The following PATJ variants were observed in gnomAD, a reference collection of about 807,000 sequenced individuals.
PATJ encodes inaD-like protein.
PATJ carries 190 observed loss-of-function variants against 224.9 expected under a neutral mutation model. The observed-to-expected ratio is 0.84, with a 90% CI of 0.75 to 0.95. PATJ has a LOEUF of 0.95. Ranked by LOEUF, PATJ falls within the 40% of genes least tolerant of loss-of-function variation. The pLI, the probability that PATJ is intolerant of heterozygous loss-of-function variation, is 0.00. For synonymous variants in PATJ, 769 were observed against 820.3 expected (o/e 0.94, Z 1.07); for missense variants, 2,121 against 2,270.3 (o/e 0.93, Z 1.34).
intron 28 of PATJ, among the ~76,000 whole-genome samples, chr1:62,014,138 C>T (rs186125126): frequency 3.5e-4 from 54 of 152,292 alleles, no homozygotes; most frequent in Middle Eastern, 3.4e-3. Flanking sequence ...TCACTGCAGT[C>T]TTTAACTCCT....
At chr1:61,871,070 G>GTTTTTTTTTTTTTTTTTTTTT (rs1247341544) in intron 20 of PATJ, among the ~76,000 whole-genome samples, 1 of 78,098 alleles carries the variant, frequency 1.3e-5, no homozygotes, top group African/African-American at 4.9e-5. Flanking sequence ...TTTGGTTTTT[G>GTTTTTTTTTTTTTTTTTTTTT]TTTTTTTTGT....
intron 41 of PATJ, among the ~76,000 whole-genome samples, chr1:62,147,991 C>T (rs1292928879): frequency 6.6e-6 from 1 of 151,336 alleles, no homozygotes; most frequent in Admixed American, 6.6e-5. Context: ...CCTGGTGGTG[C>T]ATGCCTGTGG....
chr1:61,908,442 C>G lies in PATJ; in HGVS notation c.3452C>G (p.Pro1151Arg). ...GAGGCCATTAAGAATGCAGGAAACCCTGTGGTGTTCATTGTTCAGAGTTTG... is the reference window on the plus strand; with the variant it reads ...GAGGCCATTAAGAATGCAGGAAACCGTGTGGTGTTCATTGTTCAGAGTTTG... ...AVEAIKNAGNPVVFIVQSLSS... is the reference protein window; with the variant it reads ...AVEAIKNAGNRVVFIVQSLSS... Residue 1151 changes from proline to arginine, a missense_variant, in exon 25 of 44, where the codon CCT becomes CGT. By Grantham distance (103) the Pro-to-Arg change is moderately radical. Coordinates refer to ENST00000642238, the MANE Select transcript of PATJ (RefSeq NM_001350145.3). 6.2e-7 allele frequency: 1 copy of G among 1,613,954 alleles called. No individual in the cohort carries two copies. Among genetic ancestry groups the G allele is most frequent in the Non-Finnish European group, 8.5e-7 (1 of 1,179,856 alleles).
At chr1:61,781,496 C>T (rs904757769) in intron 7 of PATJ, among the ~76,000 whole-genome samples, 2 of 152,242 alleles carry the variant, frequency 1.3e-5, no homozygotes, top group African/African-American at 2.4e-5. Flanking sequence ...GCAGCACCCT[C>T]AGGCCCTAGG....
intron 17 of PATJ, among the ~76,000 whole-genome samples, chr1:61,835,662 C>G (rs1321053412): frequency 1.3e-5 from 2 of 152,134 alleles, no homozygotes; most frequent in Non-Finnish European, 2.9e-5. Context: ...CCTCAGCCTC[C>G]TAATGTGCTG....
intron 27 of PATJ, among the ~76,000 whole-genome samples, chr1:61,979,769 T>G (rs540331639): frequency 6.6e-6 from 1 of 152,168 alleles, no homozygotes; most frequent in East Asian, 1.9e-4. Context: ...GTTTTTATGC[T>G]AGGTTTAAAC....
Position 61,861,597 on chromosome 1 carries a change from A to C in PATJ, c.2369A>C (p.Asn790Thr), listed in dbSNP as rs375877279. The C allele has an allele frequency of 2.0e-6, 3 of 1,500,168 alleles. No homozygotes were observed. The highest frequency in any genetic ancestry group is 2.7e-6 in the Non-Finnish European group (3 of 1,114,080). The allele number at this position is 1,500,168 out of a possible 1,614,324, so 92.9% of individuals were successfully genotyped here. Residue 790 changes from asparagine to threonine, a missense_variant, in exon 19 of 44, where the codon AAT (asparagine) becomes ACT (threonine). Coordinates refer to ENST00000642238, the MANE Select transcript of PATJ (RefSeq NM_001350145.3). ...TGTTATATTTTACATTCAAGCAGTA[A>C]TGAAGACAAGACTGAATTTTCAGGA... Reference protein sequence around the residue: ...ESCYILHSSSNEDKTEFSGTI... With the variant: ...ESCYILHSSSTEDKTEFSGTI...
intron 27 of PATJ, among the ~76,000 whole-genome samples, chr1:61,941,406 T>G (rs2149345133): frequency 6.6e-6 from 1 of 152,290 alleles, no homozygotes. Flanking sequence ...ATCCCAGCAC[T>G]TTGGGAGGCT....
Position 61,856,006 on chromosome 1 carries a change from C to T in PATJ, c.2113-24C>T, listed in dbSNP as rs74880339. On this transcript the variant is annotated intron_variant, in intron 17 of 43. Coordinates refer to ENST00000642238, the MANE Select transcript of PATJ (RefSeq NM_001350145.3). ...ATTTATTTTCAGTGCATGGACTCAT[C>T]CTTCTTCTTTGCTCGATTCACAGGA... The T allele has an allele frequency of 1.5e-4, 233 of 1,579,594 alleles. 1 individual carries two copies. The African/African-American group carries it at 2.7e-3, about 18-fold the overall frequency.
chr1:61,778,796 G>C (rs1055602211), intron 7 of PATJ, among the ~76,000 whole-genome samples: 2 of 152,090 alleles, frequency 1.3e-5, no homozygotes, highest in Non-Finnish European at 2.9e-5. Flanking sequence ...TGCCTCCCAG[G>C]TTCAAGCGAT....
At chr1:62,074,977 C>A (rs990817229) in intron 31 of PATJ, among the ~76,000 whole-genome samples, 8 of 152,072 alleles carry the variant, frequency 5.3e-5, no homozygotes, top group African/African-American at 1.7e-4. Context: ...AACAAACACA[C>A]AAACAAAACT....
chr1:62,064,289 A>G (rs1304333515), intron 31 of PATJ, among the ~76,000 whole-genome samples: 1 of 150,310 alleles, frequency 6.7e-6, no homozygotes, highest in Non-Finnish European at 1.5e-5. Flanking sequence ...TATGGACTTA[A>G]TGACTTTTGA....
At position 62,125,190 on chromosome 1, in the gene PATJ, T is replaced by C. The variant is rs551672338; in HGVS notation, c.5043+2132T>C. Reference sequence around the variant, plus strand: ...AGGTTGAGGCTGCAGTGAGCCGTGATCATGCCACTGCACTCCAGCCTGGGT... The same window carrying C: ...AGGTTGAGGCTGCAGTGAGCCGTGACCATGCCACTGCACTCCAGCCTGGGT... On this transcript the variant is annotated intron_variant, in intron 39 of 43. Transcript: ENST00000642238. Among the ~76,000 whole-genome samples, 19 of 134,068 alleles carry C rather than the reference T, an allele frequency of 1.4e-4. No individual in the cohort carries two copies. The South Asian group carries it at 2.4e-3, about 17-fold the overall frequency. 88.0% of individuals were successfully genotyped at this position (134,068 alleles called of 152,430 possible). A position where few individuals can be genotyped will look rare whatever the true frequency, so the allele number is the denominator to read the frequency against.
chr1:61,880,815 C>A (rs1008597000), intron 21 of PATJ, among the ~76,000 whole-genome samples: 6 of 152,226 alleles, frequency 3.9e-5, no homozygotes, highest in African/African-American at 1.4e-4. Context: ...ACTGTTTTGG[C>A]CAGCACGGTG....
At chr1:62,058,318 A>G (rs1654876454) in intron 31 of PATJ, among the ~76,000 whole-genome samples, 1 of 152,190 alleles carries the variant, frequency 6.6e-6, no homozygotes, top group African/African-American at 2.4e-5. Flanking sequence ...GTCAGCTAGA[A>G]TACCAACATT....
At chr1:62,123,511 T>C (rs899935421) in intron 39 of PATJ, among the ~76,000 whole-genome samples, 1 of 126,530 alleles carries the variant, frequency 7.9e-6, no homozygotes, top group Non-Finnish European at 1.6e-5. Context: ...AGAGTCTTGC[T>C]CTGTCACCCA....
chr1:62,128,632 G>A (rs183372809), intron 40 of PATJ, among the ~76,000 whole-genome samples: 141 of 152,256 alleles, frequency 9.3e-4, no homozygotes, highest in African/African-American at 3.3e-3. Context: ...ATAATCAAAT[G>A]TGACCCCCTT....
intron 1 of PATJ, among the ~76,000 whole-genome samples, chr1:61,762,474 C>T (rs1232346921): frequency 6.6e-6 from 1 of 152,030 alleles, no homozygotes; most frequent in African/African-American, 2.4e-5. Context: ...CTTTCATGTG[C>T]AGGCGTTTTT....
Position 61,875,154 on chromosome 1 carries a change from A to G in PATJ, c.2836-89A>G, listed in dbSNP as rs1351572231. On this transcript the variant is annotated intron_variant, in intron 20 of 43. Coordinates refer to ENST00000642238, the MANE Select transcript of PATJ (RefSeq NM_001350145.3). ...TGCCTGTTTGCAAGGCCAGTTTTCC[A>G]CTATCATTATTACTTGGCTTGATCA... 5.2e-6 allele frequency: 4 copies of G among 772,756 alleles called. No homozygotes were observed. In the South Asian group the frequency reaches 7.8e-5, roughly 15 times the overall value. The allele number at this position is 772,756 out of a possible 1,614,324, so 47.9% of individuals were successfully genotyped here. A position where few individuals can be genotyped will look rare whatever the true frequency, so the allele number is the denominator to read the frequency against.
Sources: gnomAD v4.1 joint callset for allele counts (sites outside exome capture counted in the v4.1 genomes callset) on GRCh38, gnomAD v4.1.1 for gene constraint, MANE v1.5 for transcripts, NCBI Gene and HGNC (gene_info 2026-07-23, HGNC 2026-07-21) for gene names.